The following NSMCE2 variants were observed in gnomAD, a reference collection of about 807,000 sequenced individuals.
NSMCE2 encodes NSE2 SUMO ligase component of SMC5/6 complex.
In NSMCE2, 24 loss-of-function variants were observed where a neutral mutation model predicts 23.8. The ratio of observed to expected loss-of-function variants is 1.01; its 90% confidence interval spans 0.73 to 1.42. NSMCE2 has a LOEUF of 1.42. Ranked by LOEUF, NSMCE2 falls within the 40% of genes most tolerant of loss-of-function variation. The pLI, the probability that NSMCE2 is intolerant of heterozygous loss-of-function variation, is 0.00. For missense variants in NSMCE2, 284 were observed against 296.5 expected (o/e 0.96, Z 0.31); for synonymous variants, 92 against 94.1 (o/e 0.98, Z 0.13).
intron 5 of NSMCE2, among the ~76,000 whole-genome samples, chr8:125,325,946 C>T (rs1829647821): frequency 6.6e-6 from 1 of 151,570 alleles, no homozygotes; most frequent in Non-Finnish European, 1.5e-5. Context: ...GAGTGAAACT[C>T]CGTCTCAAAA....
At chr8:125,357,090 GCATCCAGTCC>G in intron 5 of NSMCE2, 119 bp from the exon 6 acceptor site, 1 of 627,702 alleles carries the variant, frequency 1.6e-6, no homozygotes. Flanking sequence ...GAGTTTCTAT[GCATCCAGTCC>G]TTACATGGGG....
At chr8:125,168,593 A>G (rs1822014474) in intron 4 of NSMCE2, among the ~76,000 whole-genome samples, 2 of 152,200 alleles carry the variant, frequency 1.3e-5, no homozygotes, top group Admixed American at 6.5e-5. Flanking sequence ...ATATCCTCAC[A>G]AGATGGAATG....
chr8:125,333,502 G>GTTTTTTTTTTTTTTTTT (rs1308950464), intron 5 of NSMCE2, among the ~76,000 whole-genome samples: 1 of 65,828 alleles, frequency 1.5e-5, no homozygotes, highest in African/African-American at 5.8e-5. Context: ...TTTCCTGGTG[G>GTTTTTTTTTTTTTTTTT]TTCTTTTTTT....
intron 5 of NSMCE2, among the ~76,000 whole-genome samples, chr8:125,295,264 G>A (rs146766786): frequency 6.6e-6 from 1 of 152,120 alleles, no homozygotes; most frequent in East Asian, 1.9e-4. Context: ...GGTGACCTTT[G>A]TGTTTCTGTC....
At chr8:125,168,302 C>A (rs1174324365) in intron 4 of NSMCE2, among the ~76,000 whole-genome samples, 1 of 151,982 alleles carries the variant, frequency 6.6e-6, no homozygotes, top group Non-Finnish European at 1.5e-5. Context: ...TTATAAGCTG[C>A]ATTTAGAAGG....
intron 5 of NSMCE2, among the ~76,000 whole-genome samples, chr8:125,193,460 T>A (rs983168798): frequency 6.6e-6 from 1 of 152,338 alleles, no homozygotes; most frequent in Middle Eastern, 3.4e-3. Context: ...TGAAAAATAT[T>A]TTTTAAACCA....
chr8:125,092,688 A>T (rs1432072718), intron 1 of NSMCE2, among the ~76,000 whole-genome samples: 1 of 152,262 alleles, frequency 6.6e-6, no homozygotes, highest in Non-Finnish European at 1.5e-5. Flanking sequence ...ATGGATTTAA[A>T]GGAAGTCAAC....
intron 5 of NSMCE2, among the ~76,000 whole-genome samples, chr8:125,209,234 G>GA (rs1033894900): frequency 2.6e-5 from 4 of 151,760 alleles, no homozygotes; most frequent in South Asian, 2.1e-4. Flanking sequence ...TGTATTGATT[G>GA]AAAAAAAATA....
intron 5 of NSMCE2, among the ~76,000 whole-genome samples, chr8:125,293,971 T>A (rs892788240): frequency 6.6e-6 from 1 of 152,142 alleles, no homozygotes; most frequent in Non-Finnish European, 1.5e-5. Context: ...TACTTCCTAT[T>A]TTCTCCCAAG....
chr8:125,317,688 A>G (rs184186602), intron 5 of NSMCE2, among the ~76,000 whole-genome samples: 169 of 152,332 alleles, frequency 1.1e-3, no homozygotes, highest in African/African-American at 3.9e-3. Context: ...ATTCCAGGTT[A>G]CAGGGGAGAA....
At chr8:125,326,354 C>A (rs1179405046) in intron 5 of NSMCE2, among the ~76,000 whole-genome samples, 5 of 152,102 alleles carry the variant, frequency 3.3e-5, no homozygotes, top group Non-Finnish European at 5.9e-5. Flanking sequence ...TGTAAAAATG[C>A]AAGGTATTTG....
In NSMCE2 at chr8:125,125,847, C is replaced by T. The variant is rs546628691; in HGVS notation, c.157+23360C>T. On this transcript the variant is annotated intron_variant, in intron 3 of 7. Coordinates refer to ENST00000287437, the MANE Select transcript of NSMCE2 (RefSeq NM_173685.4). ...GTATCATAGTTCACCTTGTTGTCCC[C>T]TCTGTCCCAAGTCCTACATTGGTGA... Among the ~76,000 whole-genome samples the T allele has an allele frequency of 5.3e-5, 8 of 152,300 alleles. No homozygotes were observed. The South Asian group carries it at 1.4e-3, about 28-fold the overall frequency.
At chr8:125,153,331 A>G (rs1319227139) in intron 4 of NSMCE2, among the ~76,000 whole-genome samples, 2 of 152,216 alleles carry the variant, frequency 1.3e-5, no homozygotes, top group East Asian at 3.8e-4. Flanking sequence ...TTTTATAGGA[A>G]GAAAAAACAT....
intron 3 of NSMCE2, among the ~76,000 whole-genome samples, chr8:125,135,774 C>T (rs1586490288): frequency 6.6e-6 from 1 of 152,194 alleles, no homozygotes; most frequent in Non-Finnish European, 1.5e-5. Context: ...CTTTTTCCAT[C>T]TTCATGCCAA....
At chr8:125,112,589 A>T (rs1563657048) in intron 3 of NSMCE2, among the ~76,000 whole-genome samples, 1 of 152,242 alleles carries the variant, frequency 6.6e-6, no homozygotes, top group Non-Finnish European at 1.5e-5. Context: ...GTCATTTGCA[A>T]CAACATGGGT....
At chr8:125,275,025 T>TAATAATAAC (rs1554630063) in intron 5 of NSMCE2, among the ~76,000 whole-genome samples, 26 of 144,384 alleles carry the variant, frequency 1.8e-4, no homozygotes, top group African/African-American at 6.9e-4. Context: ...ATAATAATAA[T>TAATAATAAC]AATAATAATA....
intron 7 of NSMCE2, 38 bp downstream of exon 7, chr8:125,357,856 G>C (rs576792068): frequency 1.4e-6 from 2 of 1,412,788 alleles, no homozygotes; most frequent in African/African-American, 2.8e-5. Context: ...GCCTTCCCTA[G>C]TGGTAGTTAC....
intron 5 of NSMCE2, among the ~76,000 whole-genome samples, chr8:125,229,027 A>T (rs915996315): frequency 2.6e-5 from 4 of 152,160 alleles, no homozygotes; most frequent in Admixed American, 1.3e-4. Context: ...ACTATTTTGT[A>T]TGTGTTGCTG....
At chr8:125,299,598 A>G (rs558755139) in intron 5 of NSMCE2, among the ~76,000 whole-genome samples, 8 of 152,110 alleles carry the variant, frequency 5.3e-5, no homozygotes, top group Non-Finnish European at 8.8e-5. Flanking sequence ...GGGGACTACA[A>G]TTTGAGATGA....
Sources: gnomAD v4.1 joint callset for allele counts (sites outside exome capture counted in the v4.1 genomes callset) on GRCh38, gnomAD v4.1.1 for gene constraint, MANE v1.5 for transcripts, NCBI Gene and HGNC (gene_info 2026-07-23, HGNC 2026-07-21) for gene names.